The following HNF4G variants were observed in gnomAD, a reference collection of about 807,000 sequenced individuals.
HNF4G encodes hepatocyte nuclear factor 4-gamma.
HNF4G carries 21 observed loss-of-function variants against 50.9 expected under a neutral mutation model. The ratio of observed to expected loss-of-function variants is 0.41; its 90% confidence interval spans 0.29 to 0.59. The LOEUF is 0.59. Ranked by LOEUF, HNF4G falls within the 20% of genes least tolerant of loss-of-function variation. HNF4G has a pLI of 0.26. For synonymous variants in HNF4G, 198 were observed against 185.6 expected (o/e 1.07, Z -0.54); for missense variants, 527 against 559.4 (o/e 0.94, Z 0.58).
At position 75,563,430 on chromosome 8, in the gene HNF4G, C is replaced by CA. The variant is rs5892499; in HGVS notation, c.1247-533dup. 3.3e-3 allele frequency among the ~76,000 whole-genome samples: 479 copies of CA among 144,586 alleles called. 1 individual carries two copies. The highest frequency in any genetic ancestry group is 5.5e-3 in the Admixed American group (78 of 14,192). 94.9% of individuals were successfully genotyped at this position (144,586 alleles called of 152,430 possible). A position where few individuals can be genotyped will look rare whatever the true frequency, so the allele number is the denominator to read the frequency against. ...CGATTGTAATAGAATAATTTTGAAG[C>CA]AAAAAAAAAAAAGCCAGTATTTTTC... On this transcript the variant is annotated intron_variant, in intron 9 of 9. Coordinates refer to ENST00000396423, the MANE Select transcript of HNF4G (RefSeq NM_004133.5).
chr8:75,453,339 G>A (rs1326656399), intron 1 of HNF4G, among the ~76,000 whole-genome samples: 1 of 152,102 alleles, frequency 6.6e-6, no homozygotes, highest in South Asian at 2.1e-4. Flanking sequence ...TAGCTAGCTA[G>A]AGGTTTGTAA....
At chr8:75,431,284 G>A (rs1285558348) in intron 1 of HNF4G, among the ~76,000 whole-genome samples, 1 of 152,092 alleles carries the variant, frequency 6.6e-6, no homozygotes, top group Non-Finnish European at 1.5e-5. Context: ...AAAAACATGA[G>A]TGAGATGTTT....
rs937285173 is a variant in HNF4G at position 75,450,332 on chromosome 8, A to T, written c.-143-39757A>T. On this transcript the variant is annotated intron_variant, in intron 1 of 10. Coordinates refer to the HNF4G transcript ENST00000354370. ...ATGAATATGGGTGTGTTTTGGAGGGATCTCATATATTTGATCCAATTCCAA... is the reference window on the plus strand; with the variant it reads ...ATGAATATGGGTGTGTTTTGGAGGGTTCTCATATATTTGATCCAATTCCAA... Among the ~76,000 whole-genome samples the T allele has an allele frequency of 5.9e-5, 9 of 152,290 alleles. 1 individual carries two copies. In the East Asian group the frequency reaches 1.5e-3, roughly 26 times the overall value.
At chr8:75,416,413 G>A (rs1264145777) in intron 1 of HNF4G, among the ~76,000 whole-genome samples, 1 of 151,864 alleles carries the variant, frequency 6.6e-6, no homozygotes, top group Non-Finnish European at 1.5e-5. Context: ...GCTTTGAAAT[G>A]TCCTGATTTG....
In HNF4G at chr8:75,445,219, C is replaced by T. The variant is rs1434365244; in HGVS notation, c.-144+37057C>T. Among the ~76,000 whole-genome samples, 7 of 100,062 alleles carry T rather than the reference C, an allele frequency of 7.0e-5. No homozygotes were observed. The Admixed American group carries it at 7.7e-4, about 11-fold the overall frequency. 65.6% of individuals were successfully genotyped at this position (100,062 alleles called of 152,430 possible). A position where few individuals can be genotyped will look rare whatever the true frequency, so the allele number is the denominator to read the frequency against. On this transcript the variant is annotated intron_variant, in intron 1 of 10. Transcript: ENST00000354370. Reference sequence around the variant, plus strand: ...AAATGAAGGCAGAAATAAAGATGTTCTTTGAAACCAACGAGAACAAAGACA... The same window carrying T: ...AAATGAAGGCAGAAATAAAGATGTTTTTTGAAACCAACGAGAACAAAGACA...
chr8:75,486,860 G>A (rs1812509267), intron 1 of HNF4G, among the ~76,000 whole-genome samples: 1 of 152,142 alleles, frequency 6.6e-6, no homozygotes, highest in Non-Finnish European at 1.5e-5. Context: ...AAATTAGCTG[G>A]GTGTGGTGGC....
chr8:75,546,169 A>G (rs990737663), intron 2 of HNF4G, among the ~76,000 whole-genome samples: 4 of 152,164 alleles, frequency 2.6e-5, no homozygotes, highest in Non-Finnish European at 5.9e-5. Context: ...AATTTTTGCC[A>G]GAATTTTGAA....
At chr8:75,551,541 G>C in intron 4 of HNF4G, 47 bp downstream of exon 4, 1 of 1,072,702 alleles carries the variant, frequency 9.3e-7, no homozygotes, top group East Asian at 2.4e-5. Context: ...AAAATCAAAT[G>C]TCCATGTAGG....
chr8:75,430,989 A>G (rs1811004456), intron 1 of HNF4G, among the ~76,000 whole-genome samples: 1 of 152,134 alleles, frequency 6.6e-6, no homozygotes, highest in African/African-American at 2.4e-5. Flanking sequence ...TAAAAGACAG[A>G]AGACTATAAA....
chr8:75,549,642 G>A (rs1206804592), intron 3 of HNF4G, among the ~76,000 whole-genome samples: 1 of 149,706 alleles, frequency 6.7e-6, no homozygotes, highest in Non-Finnish European at 1.5e-5. Flanking sequence ...AAGTTTTAGG[G>A]TACATGTGCA....
chr8:75,459,966 CAT>C (rs1811806418), intron 1 of HNF4G, among the ~76,000 whole-genome samples: 1 of 151,952 alleles, frequency 6.6e-6, no homozygotes, highest in African/African-American at 2.4e-5. Context: ...TTAGAGTGAT[CAT>C]AGTTTTCCAT....
chr8:75,522,566 G>T (rs756060082), intron 2 of HNF4G, among the ~76,000 whole-genome samples: 5 of 152,114 alleles, frequency 3.3e-5, no homozygotes, highest in Non-Finnish European at 5.9e-5. Flanking sequence ...ATTTGACTTA[G>T]ATCATTTTTT....
chr8:75,529,578 T>C (rs1409677688), intron 2 of HNF4G, among the ~76,000 whole-genome samples: 1 of 151,988 alleles, frequency 6.6e-6, no homozygotes, highest in Non-Finnish European at 1.5e-5. Flanking sequence ...TGGGGATGAG[T>C]GATGCTTTTT....
chr8:75,410,015 T>G (rs1446380287), intron 1 of HNF4G, among the ~76,000 whole-genome samples: 1 of 152,200 alleles, frequency 6.6e-6, no homozygotes, highest in Non-Finnish European at 1.5e-5. Flanking sequence ...CATACTAGTA[T>G]TCTGAAATTT....
In HNF4G at chr8:75,480,717, C is replaced by CTTT. The variant is rs748221253; in HGVS notation, c.-143-9371_-143-9369dup. ...CTGGATCTCATTTCTTTTTCTTTTT[C>CTTT]TTTCTTTTTTTTTTTTTTTGAGACA... On this transcript the variant is annotated intron_variant, in intron 1 of 10. Coordinates refer to the HNF4G transcript ENST00000354370. 6.5e-4 allele frequency among the ~76,000 whole-genome samples: 81 copies of CTTT among 123,934 alleles called. 8 individuals carry two copies. The highest frequency in any genetic ancestry group is 6.2e-4 in the Non-Finnish European group (38 of 61,396). The allele number at this position is 123,934 out of a possible 152,430, so 81.3% of individuals were successfully genotyped here.
chr8:75,410,700 G>T (rs1252596565), intron 1 of HNF4G, among the ~76,000 whole-genome samples: 1 of 152,164 alleles, frequency 6.6e-6, no homozygotes, highest in Non-Finnish European at 1.5e-5. Flanking sequence ...TAGGGCAAAA[G>T]TATGATTTTA....
chr8:75,547,616 A>G lies in HNF4G; in HGVS notation c.317A>G (p.Asp106Gly). Residue 106 changes from aspartate to glycine, a missense_variant, in exon 3 of 10, where the codon GAC becomes GGC. Around this residue, in one of 5 missense-constraint regions of HNF4G, gnomAD observed 128 missense variants for 135.3 expected, o/e 0.95. Transcript: ENST00000396423. ...RFSRQCVVDKDKRNQCRYCRL... is the reference protein window; with the variant it reads ...RFSRQCVVDKGKRNQCRYCRL... ...AGTCGGCAATGTGTTGTTGACAAGG[A>G]CAAAAGGAATCAATGTAGATATTGT... 6.2e-7 allele frequency: 1 copy of G among 1,612,360 alleles called. No individual in the cohort carries two copies. The highest frequency in any genetic ancestry group is 2.2e-5 in the East Asian group (1 of 44,816).
At chr8:75,430,913 T>C (rs1811002291) in intron 1 of HNF4G, among the ~76,000 whole-genome samples, 1 of 152,288 alleles carries the variant, frequency 6.6e-6, no homozygotes, top group East Asian at 1.9e-4. Context: ...TGTTAGAAAT[T>C]TCATTTGTAG....
chr8:75,526,793 G>T (rs1428098493), intron 2 of HNF4G, among the ~76,000 whole-genome samples: 1 of 149,004 alleles, frequency 6.7e-6, no homozygotes, highest in African/African-American at 2.5e-5. Context: ...TTGAGATGGA[G>T]TCTCGTTCTG....
Sources: allele counts gnomAD v4.1 joint callset (sites outside exome capture counted in the v4.1 genomes callset), GRCh38; gene constraint gnomAD v4.1.1; regional missense constraint gnomAD v4.1.1; transcripts MANE v1.5; gene names NCBI Gene and HGNC (gene_info 2026-07-23, HGNC 2026-07-21).